Variants in CYP4Z1 observed in about 807,000 individuals in gnomAD.
The protein encoded by CYP4Z1 is cytochrome P450 4Z1.
CYP4Z1 carries 41 observed loss-of-function variants against 54.2 expected under a neutral mutation model. That is an observed-to-expected ratio of 0.76 (90% confidence interval 0.59 to 0.98). The LOEUF (loss-of-function observed/expected upper bound fraction) is 0.98. CYP4Z1 is among the 50% of genes least tolerant of loss of function. CYP4Z1 has a pLI of 0.00. For missense variants in CYP4Z1, 513 were observed against 599.0 expected, an observed-to-expected ratio of 0.86 and a Z score of 1.50; for synonymous variants, 163 against 206.2, an observed-to-expected ratio of 0.79 and a Z score of 1.79.
At chr1:47,102,609 C>T (rs1401946557) in intron 8 of CYP4Z1, among the ~76,000 whole-genome samples, 3 of 152,106 alleles carry the variant, frequency 2.0e-5, no homozygotes, top group Non-Finnish European at 4.4e-5. Flanking sequence ...CTTGACTAAC[C>T]ATTGTTTTCT....
the CYP4Z1 span, among the ~76,000 whole-genome samples, chr1:47,057,335 A>AAAATAT: frequency 1.1e-4 from 3 of 28,492 alleles, no homozygotes; most frequent in African/African-American, 2.7e-4. Context: ...AAGAAAAAAA[A>AAAATAT]ATATATATAT....
At chr1:47,085,211 CA>C (rs1644583815) in intron 6 of CYP4Z1, among the ~76,000 whole-genome samples, 1 of 152,270 alleles carries the variant, frequency 6.6e-6, no homozygotes, top group South Asian at 2.1e-4. Flanking sequence ...ATACAATAAG[CA>C]AAACATCTGT....
At chr1:47,095,014 C>T (rs1644667506) in intron 7 of CYP4Z1, among the ~76,000 whole-genome samples, 1 of 151,932 alleles carries the variant, frequency 6.6e-6, no homozygotes, top group Non-Finnish European at 1.5e-5. Flanking sequence ...ATTAGAAAAA[C>T]TTACTTATAT....
intron 2 of CYP4Z1, among the ~76,000 whole-genome samples, chr1:47,072,891 C>G (rs143344420): frequency 6.6e-6 from 1 of 152,052 alleles, no homozygotes; most frequent in East Asian, 1.9e-4. Flanking sequence ...CAAAAATGCT[C>G]TTCCTCACCC....
At chr1:47,102,035 C>T (rs4375314) in intron 8 of CYP4Z1, among the ~76,000 whole-genome samples, 63,824 of 151,866 alleles carry the variant, frequency 0.42, 14,784 homozygotes, top group East Asian at 0.97. Context: ...TTTTTTACTA[C>T]TTTTTACTTT....
At position 47,117,969 on chromosome 1, in the gene CYP4Z1, AT is replaced by A; in HGVS notation, c.*39del. The A allele has an allele frequency of 6.3e-7, 1 of 1,594,932 alleles. No homozygotes were observed. Among genetic ancestry groups the A allele is most frequent in the Non-Finnish European group, 8.6e-7 (1 of 1,165,852 alleles). On this transcript the variant is annotated 3_prime_UTR_variant, in exon 12 of 12. Coordinates refer to ENST00000334194, the MANE Select transcript of CYP4Z1 (RefSeq NM_178134.3). Reference sequence around the variant, plus strand: ...CTTTCGTATAAGAATTAATGAGACAATTTTCCTACCAAAGGAAGAACAAAAG... The same window carrying A: ...CTTTCGTATAAGAATTAATGAGACAATTTCCTACCAAAGGAAGAACAAAAG...
At chr1:47,067,044 T>C (rs553016874), upstream of CYP4Z1, among the ~76,000 whole-genome samples, 2 of 152,310 alleles carry the variant, frequency 1.3e-5, no homozygotes, top group Admixed American at 1.3e-4. Flanking sequence ...CCCTGAACTT[T>C]CTGCTTAATT....
rs552106054 is a variant in CYP4Z1 at position 47,110,273 on chromosome 1, A to C, written c.1201+4012A>C. 3.2e-4 allele frequency among the ~76,000 whole-genome samples: 48 copies of C among 151,066 alleles called. 2 individuals are homozygous for C. In the South Asian group the frequency reaches 9.3e-3, roughly 29 times the overall value. On this transcript the variant is annotated intron_variant, in intron 9 of 11. Coordinates refer to ENST00000334194, the MANE Select transcript of CYP4Z1 (RefSeq NM_178134.3). ...TCCCCTAAATAATTCACAATCACTA[A>C]ATAGAACAAAACACAATGGGTTTTG...
rs1251975673 is a variant in CYP4Z1 at position 47,082,318 on chromosome 1, C to T, written c.365-16C>T. 2.5e-6 allele frequency: 4 copies of T among 1,585,344 alleles called. No homozygotes were observed. The highest frequency in any genetic ancestry group is 3.4e-6 in the Non-Finnish European group (4 of 1,167,170). On this transcript the variant is annotated splice_polypyrimidine_tract_variant and intron_variant, in intron 3 of 11. Coordinates refer to ENST00000334194, the MANE Select transcript of CYP4Z1 (RefSeq NM_178134.3). ...CTGGCCTCTGATAGAAACAGTTGCC[C>T]CTCTCATTTCATAAGGTCGAGGACT...
Position 47,117,868 on chromosome 1 carries a change from G to A in CYP4Z1, c.1452G>A (p.Gln484=). The A allele has an allele frequency of 2.5e-6, 4 of 1,613,640 alleles. No individual in the cohort carries two copies. The highest frequency in any genetic ancestry group is 3.4e-6 in the Non-Finnish European group (4 of 1,179,792). The change falls in exon 12 of 12, where the codon CAG becomes CAA. Residue 484 remains glutamine (Q), a synonymous_variant. Coordinates refer to ENST00000334194, the MANE Select transcript of CYP4Z1 (RefSeq NM_178134.3). ...CTCCAGACCACTCAAGGCCTCCCCA[G>A]CCTGTTCGTCAAGTTGTCCTCAAGT... The part of the protein sequence containing the change: ...KLAPDHSRPP[Q]PVRQVVLKSK...
At chr1:47,115,022 A>T (rs2148543529) in intron 9 of CYP4Z1, among the ~76,000 whole-genome samples, 1 of 152,306 alleles carries the variant, frequency 6.6e-6, no homozygotes. Context: ...CACTATTCAC[A>T]ATAGCAAAGA....
intron 6 of CYP4Z1, among the ~76,000 whole-genome samples, chr1:47,091,271 A>G (rs377512146): frequency 7.0e-6 from 1 of 142,752 alleles, no homozygotes; most frequent in East Asian, 2.2e-4. Context: ...AAGCATGTTG[A>G]TGCCCTGAGG....
At chr1:47,113,953 T>C (rs1644811199) in intron 9 of CYP4Z1, among the ~76,000 whole-genome samples, 1 of 152,178 alleles carries the variant, frequency 6.6e-6, no homozygotes, top group South Asian at 2.1e-4. Context: ...TACTTTAAAG[T>C]TCATATGGCA....
At chr1:47,062,692 C>T (rs180876144), upstream of CYP4Z1, among the ~76,000 whole-genome samples, 2 of 152,234 alleles carry the variant, frequency 1.3e-5, no homozygotes, top group Admixed American at 6.5e-5. Context: ...CAGCAAGCCC[C>T]GCCCAAGGAA....
At position 47,077,778 on chromosome 1, in the gene CYP4Z1, G is replaced by A. The variant is rs56159650; in HGVS notation, c.320-2845G>A. On this transcript the variant is annotated intron_variant, in intron 2 of 11. Coordinates refer to ENST00000334194, the MANE Select transcript of CYP4Z1 (RefSeq NM_178134.3). ...TGGAACTACAGGCCTGCACCACTATGCCTGGCTAATTTTTTCTTTTGTATA... is the reference window on the plus strand; with the variant it reads ...TGGAACTACAGGCCTGCACCACTATACCTGGCTAATTTTTTCTTTTGTATA... Among the ~76,000 whole-genome samples, 954 of 151,770 alleles carry A rather than the reference G, an allele frequency of 6.3e-3. 12 individuals are homozygous for A. Among genetic ancestry groups the A allele is most frequent in the African/African-American group, 0.021 (861 of 41,384 alleles).
chr1:47,118,081 A>G lies in CYP4Z1; in HGVS notation c.*147A>G. 1.2e-6 allele frequency: 1 copy of G among 836,170 alleles called. No homozygotes were observed. Among genetic ancestry groups the G allele is most frequent in the Non-Finnish European group, 1.7e-6 (1 of 584,704 alleles). The allele number at this position is 836,170 out of a possible 1,614,324, so 51.8% of individuals were successfully genotyped here. ...CTTCTGACTGGTTTTGACATCCATT[A>G]ACAGTAATTTTAATTTCTTTGCTGT... On this transcript the variant is annotated 3_prime_UTR_variant, in exon 12 of 12. Transcript: ENST00000334194.
rs776207496 is a variant in CYP4Z1 at position 47,099,075 on chromosome 1, T to G, written c.877-19T>G. The G allele has an allele frequency of 6.2e-7, 1 of 1,613,842 alleles. No homozygotes were observed. The highest frequency in any genetic ancestry group is 8.5e-7 in the Non-Finnish European group (1 of 1,179,746). ...ATCCATAGCCAGCTTTGGATAAAGA[T>G]CATCACTGTATTTTTTAGAGCGAAA... On this transcript the variant is annotated intron_variant, in intron 7 of 11. Coordinates refer to ENST00000334194, the MANE Select transcript of CYP4Z1 (RefSeq NM_178134.3).
rs1261432958 is a variant in CYP4Z1 at position 47,106,426 on chromosome 1, C to T, written c.1201+165C>T. Among the ~76,000 whole-genome samples the T allele has an allele frequency of 3.7e-3, 564 of 150,868 alleles. 4 individuals carry two copies. Among genetic ancestry groups the T allele is most frequent in the African/African-American group, 0.013 (529 of 40,226 alleles). On this transcript the variant is annotated intron_variant, in intron 9 of 11. Transcript: ENST00000334194. The stretch of plus-strand genomic sequence containing the variant: ...AGAGGATAGAGCTCTCAGGACTATC[C>T]AAACAGGCACAGGATTATCAAGGTG...
chr1:47,082,075 C>T (rs1172441095), intron 3 of CYP4Z1, among the ~76,000 whole-genome samples: 1 of 151,216 alleles, frequency 6.6e-6, no homozygotes. Context: ...TAAATTTGAA[C>T]TCTTATCAAG....
Sources: gnomAD v4.1 joint callset for allele counts (sites outside exome capture counted in the v4.1 genomes callset) on GRCh38, gnomAD v4.1.1 for gene constraint, MANE v1.5 for transcripts, NCBI Gene and HGNC (gene_info 2026-07-23, HGNC 2026-07-21) for gene names.